The following TTN variants were observed in gnomAD, a reference collection of about 807,000 sequenced individuals.
TTN encodes titin, also known as connectin.
TTN carries 1,525 observed loss-of-function variants against 3,223.0 expected under a neutral mutation model. The observed-to-expected ratio is 0.47, with a 90% confidence interval of 0.45 to 0.49. The LOEUF (loss-of-function observed/expected upper bound fraction) is 0.49. TTN is among the 20% of genes least tolerant of loss of function. TTN has a pLI of 0.00. For synonymous variants in TTN, 14,094 were observed against 15,161.0 expected (o/e 0.93, Z 5.17); for missense variants, 40,786 against 43,424.0 (o/e 0.94, Z 5.40).
Position 178,582,256 on chromosome 2 carries a change from T to A in TTN, c.66160+40A>T, listed in dbSNP as rs376565971. The A allele has an allele frequency of 1.3e-4, 209 of 1,576,230 alleles. 1 individual carries two copies. The African/African-American group carries it at 2.7e-3, about 20-fold the overall frequency. On this transcript the variant is annotated intron_variant, in intron 314 of 362. Coordinates refer to ENST00000589042, the MANE Select transcript of TTN (RefSeq NM_001267550.2). ...TAATTTCCCAGGCTAAAAGATAATT[T>A]TAAAAAATAAAATGAAAAACCACCG...
At chr2:178,713,416 A>C in intron 92 of TTN, 44 bp from the exon 93 acceptor site, 1 of 1,461,178 alleles carries the variant, frequency 6.8e-7, no homozygotes. Context: ...AACAAAAAAA[A>C]CAAAGGACAA....
rs761169549 is a variant in TTN, at chr2:178,664,698, G to A, written c.36158C>T (p.Thr12053Met). ...AGGCTTTCTGAGAGGAACCACAAGC[G>A]TTTTCTTTTCAGGGACAATTTCTTG... is the stretch of plus-strand genomic sequence containing the variant. ...ALQEIVPEKK[T>M]LVVPLRKPEV... Residue 12053 changes from threonine to methionine, a missense_variant, in exon 167 of 363, where the codon ACG (threonine) becomes ATG (methionine). Transcript: ENST00000589042. 4.1e-5 allele frequency: 66 copies of A among 1,612,216 alleles called. No individual in the cohort carries two copies. The Admixed American group carries it at 5.3e-4, about 13-fold the overall frequency.
chr2:178,565,719 C>G lies in TTN; in HGVS notation c.80413G>C (p.Glu26805Gln). The G allele has an allele frequency of 3.1e-6, 5 of 1,613,584 alleles. No individual in the cohort carries two copies. The highest frequency in any genetic ancestry group is 4.2e-6 in the Non-Finnish European group (5 of 1,179,630). ...AGGACTCTGCTACCGCCATCATGTT[C>G]AGGTTTCTCCCACATAAGTGATGCA... ...TSASLMWEKP[E>Q]HDGGSRVLGY... The change falls in exon 326 of 363, where the codon GAA becomes CAA. Residue 26805 changes from glutamate to glutamine, a missense_variant. Glu to Gln is a conservative substitution (Grantham distance 29). Coordinates refer to ENST00000589042, the MANE Select transcript of TTN (RefSeq NM_001267550.2).
In TTN at chr2:178,692,541, G is replaced by T; in HGVS notation, c.31634C>A (p.Ala10545Asp). 1.3e-6 allele frequency: 2 copies of T among 1,579,372 alleles called. No homozygotes were observed. Among genetic ancestry groups the T allele is most frequent in the South Asian group, 2.4e-5 (2 of 84,270 alleles). ...CACTTTTTTAGGGATAGGAACAGGGGCCACTTCTTCTGGAGCTGGTTTCTC... is the reference window on the plus strand; with the variant it reads ...CACTTTTTTAGGGATAGGAACAGGGTCCACTTCTTCTGGAGCTGGTTTCTC... ...LPEKPAPEEV[A>D]PVPIPKKVEP... The change falls in exon 120 of 363, where the codon GCC becomes GAC. Residue 10545 changes from alanine (A) to aspartate (D), a missense_variant. Transcript: ENST00000589042.
intron 92 of TTN, 130 bp downstream of exon 92, chr2:178,713,767 T>C (rs981590286): frequency 6.6e-6 from 8 of 1,205,682 alleles, no homozygotes; most frequent in African/African-American, 3.1e-5. Context: ...GTATTGCCTC[T>C]GAATTTGCTG....
rs1370619036 is a variant in TTN at position 178,792,225 on chromosome 2, T to G, written c.1537-28A>C. On this transcript the variant is annotated intron_variant, in intron 9 of 362. Coordinates refer to ENST00000589042, the MANE Select transcript of TTN (RefSeq NM_001267550.2). ...GCAAAGAATGATTTAAGAAAAAACTTTATTTCCTGATGCCCAATGAAATAA... is the reference window on the plus strand; with the variant it reads ...GCAAAGAATGATTTAAGAAAAAACTGTATTTCCTGATGCCCAATGAAATAA... 4 of 1,591,186 alleles carry G rather than the reference T, an allele frequency of 2.5e-6. No homozygotes were observed. In the African/African-American group the frequency reaches 4.1e-5, roughly 16 times the overall value.
chr2:178,652,878 G>T lies in TTN; in HGVS notation c.38929C>A (p.Pro12977Thr), dbSNP rs150223722. The T allele has an allele frequency of 1.6e-5, 25 of 1,611,636 alleles. No homozygotes were observed. The highest frequency in any genetic ancestry group is 2.1e-5 in the Non-Finnish European group (25 of 1,179,146). ...ACAGGAGGGACTTCAGGCTTTTTAGGAGGAGCCAAGGGCATTTTCTTTTCA... is the reference window on the plus strand; with the variant it reads ...ACAGGAGGGACTTCAGGCTTTTTAGTAGGAGCCAAGGGCATTTTCTTTTCA... ...VPEKKMPLAP[P>T]KKPEVPPVKV... Residue 12977 changes from proline (P) to threonine (T), a missense_variant, in exon 200 of 363, where the codon CCT becomes ACT. Pro to Thr is a conservative substitution (Grantham distance 38, BLOSUM62 -1). Coordinates refer to ENST00000589042, the MANE Select transcript of TTN (RefSeq NM_001267550.2).
At position 178,717,236 on chromosome 2, in the gene TTN, C is replaced by T. The variant is rs779848708; in HGVS notation, c.25498G>A (p.Gly8500Ser). The change falls in exon 88 of 363, where the codon GGC becomes AGC. Residue 8500 changes from glycine to serine, a missense_variant. By Grantham distance (56) the Gly-to-Ser change is moderately conservative. Transcript: ENST00000589042. ...TCTACCAAAGTCATCTTGTAGTTGC[C>T]TCCAGGGCGAATCTCTCGGTTATCT... The part of the protein sequence containing the change: ...AKDNREIRPG[G>S]NYKMTLVENT... 1.2e-6 allele frequency: 2 copies of T among 1,613,572 alleles called. No homozygotes were observed. Among genetic ancestry groups the T allele is most frequent in the Non-Finnish European group, 1.7e-6 (2 of 1,179,680 alleles).
At chr2:178,771,555 T>C in intron 33 of TTN, 84 bp from the exon 34 acceptor site, 1 of 1,564,228 alleles carries the variant, frequency 6.4e-7, no homozygotes, top group Middle Eastern at 1.7e-4. Flanking sequence ...ATATAAAATA[T>C]CAAATTTAAG....
At chr2:178,734,670 C>A (rs1385042617) in intron 51 of TTN, 37 bp downstream of exon 51, 22 of 1,571,824 alleles carry the variant, frequency 1.4e-5, no homozygotes, top group Non-Finnish European at 1.6e-5. Flanking sequence ...GAAATCTTTT[C>A]TCAGAAAAAT....
At position 178,598,529 on chromosome 2, in the gene TTN, C is replaced by T. The variant is rs966403005; in HGVS notation, c.57088G>A (p.Glu19030Lys). Residue 19030 changes from glutamate (E) to lysine (K), a missense_variant, in exon 292 of 363, where the codon GAA becomes AAA. Physicochemically the swap from Glu to Lys is moderately conservative, Grantham distance 56 (BLOSUM62 1). Coordinates refer to ENST00000589042, the MANE Select transcript of TTN (RefSeq NM_001267550.2). ...ACCTTTTCCCATTCTTCTTTTCCTT[C>T]TTCTTTATATTCAACGATGTATCCA... is the stretch of plus-strand genomic sequence containing the variant. ...VTGYIVEYKE[E>K]GKEEWEKGKD... 4 of 1,607,826 alleles carry T rather than the reference C, an allele frequency of 2.5e-6. No individual in the cohort carries two copies. Among genetic ancestry groups the T allele is most frequent in the Non-Finnish European group, 3.4e-6 (4 of 1,178,396 alleles).
chr2:178,799,697 G>T lies in TTN; in HGVS notation c.704C>A (p.Ala235Glu). ...ACCATCTATGACCATCTCAACTGTT[G>T]CAATTGATCTGGCATCAAAGTGGGC... The part of the protein sequence containing the change: ...IEAHFDARSI[A>E]TVEMVIDGAA... The change falls in exon 6 of 363, where the codon GCA becomes GAA. Residue 235 changes from alanine (A) to glutamate (E), a missense_variant. Ala to Glu is a moderately radical substitution (Grantham distance 107). Coordinates refer to ENST00000589042, the MANE Select transcript of TTN (RefSeq NM_001267550.2). 1.2e-6 allele frequency: 2 copies of T among 1,614,142 alleles called. No individual in the cohort carries two copies. Among genetic ancestry groups the T allele is most frequent in the South Asian group, 2.2e-5 (2 of 91,086 alleles).
In TTN at chr2:178,537,351, C is replaced by T. The variant is rs780655169; in HGVS notation, c.99856G>A (p.Glu33286Lys). 12 of 1,547,640 alleles carry T rather than the reference C, an allele frequency of 7.8e-6. No individual in the cohort carries two copies. Among genetic ancestry groups the T allele is most frequent in the African/African-American group, 1.4e-5 (1 of 72,040 alleles). The change falls in exon 355 of 363, where the codon GAA becomes AAA. Residue 33286 changes from glutamate to lysine, a missense_variant. Transcript: ENST00000589042. ...AATAAAAATAAAATACCTTGTATTTCCACATCAAGGATGGCATCAACTGTT... is the reference window on the plus strand; with the variant it reads ...AATAAAAATAAAATACCTTGTATTTTCACATCAAGGATGGCATCAACTGTT... Reference protein sequence around the residue: ...FGTVDAILDVEIQDKPDKPTG... With the variant: ...FGTVDAILDVKIQDKPDKPTG...
rs980974415 is a variant in TTN, at chr2:178,575,858, C to A, written c.70274G>T (p.Ser23425Ile). ...CAAGACTCTGACGTTCACAAAGCCACTTTTCTTCCCAGCCGGGTTTTCAAT... is the reference window on the plus strand; with the variant it reads ...CAAGACTCTGACGTTCACAAAGCCAATTTTCTTCCCAGCCGGGTTTTCAAT... ...MTIENPAGKKSGFVNVRVLDT... is the reference protein window; with the variant it reads ...MTIENPAGKKIGFVNVRVLDT... The change falls in exon 326 of 363, where the codon AGT (serine) becomes ATT (isoleucine). Residue 23425 changes from serine to isoleucine, a missense_variant. By Grantham distance (142) the Ser-to-Ile change is moderately radical. Transcript: ENST00000589042. The surrounding 1 kb of genome is among the most constrained non-coding windows in gnomAD (Gnocchi z 4.0). 6.2e-7 allele frequency: 1 copy of A among 1,613,466 alleles called. No individual in the cohort carries two copies. Among genetic ancestry groups the A allele is most frequent in the Non-Finnish European group, 8.5e-7 (1 of 1,179,630 alleles).
rs752558864 is a variant in TTN, at chr2:178,731,406, A to G, written c.17360T>C (p.Leu5787Ser). ...RMTFENNVASLYLSGIEVKHD... is the reference protein window; with the variant it reads ...RMTFENNVASSYLSGIEVKHD... ...CTTGACTTCAATGCCACTGAGGTAC[A>G]AACTGGCCACATTGTTCTCAAAGGT... is the stretch of plus-strand genomic sequence containing the variant. The change falls in exon 59 of 363, where the codon TTG (leucine) becomes TCG (serine). Residue 5787 changes from leucine to serine, a missense_variant. Coordinates refer to ENST00000589042, the MANE Select transcript of TTN (RefSeq NM_001267550.2). 2.4e-5 allele frequency: 39 copies of G among 1,613,666 alleles called. No homozygotes were observed. The highest frequency in any genetic ancestry group is 3.1e-5 in the Non-Finnish European group (37 of 1,179,786).
At position 178,529,043 on chromosome 2, in the gene TTN, C is replaced by T. The variant is rs762923784; in HGVS notation, c.106708G>A (p.Val35570Ile). 1 of 1,613,908 alleles carries T rather than the reference C, an allele frequency of 6.2e-7. No individual in the cohort carries two copies. Among genetic ancestry groups the T allele is most frequent in the Admixed American group, 1.7e-5 (1 of 60,024 alleles). Reference sequence around the variant, plus strand: ...TTCTTGACTTCTTCAGAAATCAGAACCTTTGAAGCTTCCTCTTTGAGGGCT... The same window carrying T: ...TTCTTGACTTCTTCAGAAATCAGAATCTTTGAAGCTTCCTCTTTGAGGGCT... ...KLALKEEASK[V>I]LISEEVKKSA... The change falls in exon 360 of 363, where the codon GTT (valine) becomes ATT (isoleucine). Residue 35570 changes from valine to isoleucine, a missense_variant. Val to Ile is a conservative substitution (Grantham distance 29). Coordinates refer to ENST00000589042, the MANE Select transcript of TTN (RefSeq NM_001267550.2).
At chr2:178,603,456 A>G (rs1026044030) in intron 282 of TTN, among the ~76,000 whole-genome samples, 2 of 151,974 alleles carry the variant, frequency 1.3e-5, no homozygotes, top group Admixed American at 6.6e-5. Flanking sequence ...TTTGTTCAAT[A>G]ATATTATAGA....
At chr2:178,632,843 C>G in intron 234 of TTN, 51 bp from the exon 235 acceptor site, 2 of 1,612,404 alleles carry the variant, frequency 1.2e-6, no homozygotes, top group South Asian at 2.2e-5. Context: ...CATTGATGAC[C>G]CTTGATCAAT....
intron 218 of TTN, among the ~76,000 whole-genome samples, chr2:178,643,447 T>C (rs1398072259): frequency 6.6e-6 from 1 of 151,970 alleles, no homozygotes; most frequent in Non-Finnish European, 1.5e-5. Flanking sequence ...TGGCCTTCAA[T>C]ACTATTTTAG....
Sources: allele counts gnomAD v4.1 joint callset (sites outside exome capture counted in the v4.1 genomes callset), GRCh38; gene constraint gnomAD v4.1.1; non-coding constraint Gnocchi (gnomAD v3.1); transcripts MANE v1.5; gene names NCBI Gene and HGNC (gene_info 2026-07-23, HGNC 2026-07-21).